NUMB: variants seen among roughly 807,000 people sequenced by gnomAD.
NUMB encodes the protein protein numb homolog.
A neutral mutation model predicts 59.7 loss-of-function variants in NUMB; 29 were observed. The observed-to-expected ratio is 0.49, with a 90% CI of 0.36 to 0.66. NUMB has a LOEUF of 0.66. Among genes scored for constraint, NUMB ranks in the 30% least tolerant of loss-of-function variants. The probability of loss-of-function intolerance (pLI) is 0.00; values close to 1 mark genes in which losing one functional copy is unlikely to be tolerated. For missense variants in NUMB, 723 were observed against 822.0 expected (o/e 0.88, Z 1.47); for synonymous variants, 288 against 288.2 (o/e 1.00, Z 0.01).
intron 6 of NUMB, 43 bp downstream of exon 6, chr14:73,316,347 G>T (rs767952369): frequency 6.3e-7 from 1 of 1,578,960 alleles, no homozygotes; most frequent in South Asian, 1.1e-5. Context: ...CACTAGGGGT[G>T]TAACTCCTTA....
chr14:73,287,623 C>A (rs1422757175), intron 8 of NUMB, among the ~76,000 whole-genome samples: 2 of 152,074 alleles, frequency 1.3e-5, no homozygotes, highest in Non-Finnish European at 2.9e-5. Flanking sequence ...AGTGGTCTAC[C>A]CAATTCAGCC....
chr14:73,333,984 C>T (rs10138190), intron 4 of NUMB, among the ~76,000 whole-genome samples: 4,182 of 152,124 alleles, frequency 0.027, 85 homozygotes, highest in Middle Eastern at 0.078. Context: ...CCTGCCTCAG[C>T]CTCCCAAGTA....
intron 12 of NUMB, among the ~76,000 whole-genome samples, chr14:73,278,062 A>AAC (rs1555367176): frequency 1.3e-5 from 2 of 150,974 alleles, no homozygotes; most frequent in African/African-American, 2.4e-5. Flanking sequence ...AAAAAAAAAA[A>AAC]AAAAAACACC....
chr14:73,305,590 TG>T (rs1890387319), intron 6 of NUMB, among the ~76,000 whole-genome samples: 1 of 152,198 alleles, frequency 6.6e-6, no homozygotes, highest in Non-Finnish European at 1.5e-5. Context: ...GTTAAGCAGA[TG>T]TTCTAATGTA....
rs1401516507 is a variant in NUMB at position 73,275,459 on chromosome 14, G to A, written c.*1119C>T. The A allele has an allele frequency of 6.6e-6, 1 of 152,264 alleles. No homozygotes were observed. Among genetic ancestry groups the A allele is most frequent in the African/African-American group, 2.4e-5 (1 of 41,332 alleles). 9.4% of individuals were successfully genotyped at this position (152,264 alleles called of 1,614,324 possible). On this transcript the variant is annotated 3_prime_UTR_variant, in exon 13 of 13. Coordinates refer to ENST00000555238, the MANE Select transcript of NUMB (RefSeq NM_001005743.2). Reference sequence around the variant, plus strand: ...GAATCCCCATCCCCACAAAACTCATGGGAACAAAATTTAAAGGATAAAACA... The same window carrying A: ...GAATCCCCATCCCCACAAAACTCATAGGAACAAAATTTAAAGGATAAAACA...
intron 3 of NUMB, among the ~76,000 whole-genome samples, chr14:73,364,679 G>C (rs1469819050): frequency 6.6e-6 from 1 of 152,082 alleles, no homozygotes; most frequent in African/African-American, 2.4e-5. Context: ...CCAGGCTACA[G>C]TGCAGTGGCA....
chr14:73,406,092 GTTT>G (rs551368866), intron 2 of NUMB, among the ~76,000 whole-genome samples: 6 of 107,460 alleles, frequency 5.6e-5, no homozygotes, highest in Admixed American at 3.0e-4. Context: ...ACATATTTTT[GTTT>G]TTTTTTTTTT....
chr14:73,458,224 G>A (rs1884563639), intron 1 of NUMB: 1 of 152,922 alleles, frequency 6.5e-6, no homozygotes, highest in East Asian at 2.0e-4. Context: ...GACGTCCCAA[G>A]GGACCTCCTG....
At chr14:73,411,014 G>A (rs992770598) in intron 1 of NUMB, among the ~76,000 whole-genome samples, 1 of 152,150 alleles carries the variant, frequency 6.6e-6, no homozygotes, top group South Asian at 2.1e-4. Context: ...ATATATGGGA[G>A]GAAGAATGAT....
intron 4 of NUMB, among the ~76,000 whole-genome samples, chr14:73,352,356 T>C (rs1424551658): frequency 1.3e-5 from 2 of 149,978 alleles, no homozygotes; most frequent in African/African-American, 4.9e-5. Context: ...TAGGATCAAG[T>C]TTTTTTCTTA....
intron 6 of NUMB, among the ~76,000 whole-genome samples, chr14:73,309,756 T>TAAA (rs942359932): frequency 5.2e-4 from 64 of 123,830 alleles, no homozygotes; most frequent in East Asian, 1.1e-3. Context: ...ATAATAATAA[T>TAAA]AAAAATAGGA....
At chr14:73,411,880 A>G (rs1896908792) in intron 1 of NUMB, among the ~76,000 whole-genome samples, 1 of 151,472 alleles carries the variant, frequency 6.6e-6, no homozygotes, top group East Asian at 1.9e-4. Context: ...AGACAATGCA[A>G]TAGTGCTGTT....
chr14:73,396,340 G>A (rs1431072710), intron 2 of NUMB, among the ~76,000 whole-genome samples: 2 of 146,102 alleles, frequency 1.4e-5, no homozygotes, highest in Non-Finnish European at 2.9e-5. Flanking sequence ...GTGTGTGTGT[G>A]TGTGTGTGTG....
At chr14:73,443,343 C>A (rs1169266112) in intron 1 of NUMB, among the ~76,000 whole-genome samples, 2 of 152,126 alleles carry the variant, frequency 1.3e-5, no homozygotes, top group Non-Finnish European at 2.9e-5. Context: ...CGCCTGTAAT[C>A]CCAGCACTTT....
intron 4 of NUMB, among the ~76,000 whole-genome samples, chr14:73,350,321 G>A (rs1187742326): frequency 1.3e-5 from 2 of 151,410 alleles, no homozygotes; most frequent in Non-Finnish European, 2.9e-5. Flanking sequence ...TTACAGGCAT[G>A]TACACCATGC....
At chr14:73,455,301 T>C (rs1341316724) in intron 1 of NUMB, among the ~76,000 whole-genome samples, 1 of 152,232 alleles carries the variant, frequency 6.6e-6, no homozygotes, top group Non-Finnish European at 1.5e-5. Flanking sequence ...CAGTTTTCAA[T>C]ACTGCTTCCT....
chr14:73,316,516 AGG>A, intron 5 of NUMB, 94 bp from the exon 6 acceptor site: 11 of 1,214,192 alleles, frequency 9.1e-6, no homozygotes, highest in African/African-American at 3.0e-5. Flanking sequence ...AATTGGGGAA[AGG>A]AAAAAGTGGG....
At chr14:73,446,054 T>G (rs1394899280) in intron 1 of NUMB, among the ~76,000 whole-genome samples, 1 of 151,228 alleles carries the variant, frequency 6.6e-6, no homozygotes, top group African/African-American at 2.4e-5. Context: ...TCGAGTCCAG[T>G]GGCACGATCT....
At chr14:73,298,410 A>C (rs1388867915) in intron 6 of NUMB, 1 of 152,230 alleles carries the variant, frequency 6.6e-6, no homozygotes, top group Non-Finnish European at 1.5e-5. Flanking sequence ...TTTTGGGGAC[A>C]CAGGAAGATT....
Sources: allele counts gnomAD v4.1 joint callset (sites outside exome capture counted in the v4.1 genomes callset), GRCh38; gene constraint gnomAD v4.1.1; transcripts MANE v1.5; gene names NCBI Gene and HGNC (gene_info 2026-07-23, HGNC 2026-07-21).